Variants in SDK1 observed in about 807,000 individuals in gnomAD.
SDK1 encodes the protein protein sidekick-1.
Under a neutral mutation model 245.5 loss-of-function variants are expected in SDK1, and 157 were observed. That is an observed-to-expected ratio of 0.64 (90% confidence interval 0.56 to 0.73). The LOEUF is 0.73. Among genes scored for constraint, SDK1 ranks in the 30% least tolerant of loss-of-function variants. The probability of loss-of-function intolerance (pLI) is 0.00; values close to 1 mark genes in which losing one functional copy is unlikely to be tolerated. For missense variants in SDK1, 3,583 were observed against 3,002.3 expected (o/e 1.19, Z -4.52); for synonymous variants, 1,647 against 1,278.5 (o/e 1.29, Z -6.15).
Position 3,974,710 on chromosome 7 carries a change from T to C in SDK1, c.1994+165T>C, listed in dbSNP as rs1007415342. On this transcript the variant is annotated intron_variant, in intron 13 of 44. Transcript: ENST00000404826. The stretch of plus-strand genomic sequence containing the variant: ...TAACTACATATATGGACAAGGTTTT[T>C]TTGTGGTTTCTTTCAACTTCGGAAT... 1.3e-5 allele frequency: 8 copies of C among 597,104 alleles called. No homozygotes were observed. The East Asian group carries it at 2.3e-4, about 17-fold the overall frequency. The allele number at this position is 597,104 out of a possible 1,614,324, so 37.0% of individuals were successfully genotyped here.
chr7:3,870,339 A>G (rs1439474144), intron 5 of SDK1, among the ~76,000 whole-genome samples: 1 of 152,168 alleles, frequency 6.6e-6, no homozygotes, highest in Non-Finnish European at 1.5e-5. Flanking sequence ...AACTGACCTT[A>G]TGTGTCAATT....
chr7:3,887,926 A>G (rs1781375222), intron 5 of SDK1, among the ~76,000 whole-genome samples: 1 of 152,214 alleles, frequency 6.6e-6, no homozygotes, highest in Non-Finnish European at 1.5e-5. Context: ...ATTTTTATTC[A>G]AATGTGTTGT....
intron 1 of SDK1, among the ~76,000 whole-genome samples, chr7:3,394,149 TCTC>T (rs752879343): frequency 3.5e-4 from 53 of 152,246 alleles, no homozygotes; most frequent in Non-Finnish European, 6.2e-4. Context: ...GAGATATTGT[TCTC>T]CTCCTTTTCT....
chr7:4,145,676 G>A lies in SDK1; in HGVS notation c.4229-46G>A, dbSNP rs377297597. 111 of 1,538,028 alleles carry A rather than the reference G, an allele frequency of 7.2e-5. No homozygotes were observed. In the African/African-American group the frequency reaches 8.6e-4, roughly 12 times the overall value. On this transcript the variant is annotated intron_variant, in intron 28 of 44. Coordinates refer to ENST00000404826, the MANE Select transcript of SDK1 (RefSeq NM_152744.4). ...TGTGGGCACAGGGCTTCCCTGTGCC[G>A]TGGGTGACTGGCTCAGCAGCTGTCT...
At chr7:4,077,265 C>T in intron 21 of SDK1, 76 bp downstream of exon 21, 1 of 1,424,100 alleles carries the variant, frequency 7.0e-7, no homozygotes, top group Non-Finnish European at 9.6e-7. Context: ...TTGATTGGCA[C>T]TTTGGTGTGG....
chr7:3,895,048 C>T (rs1448214668), intron 5 of SDK1, among the ~76,000 whole-genome samples: 1 of 152,112 alleles, frequency 6.6e-6, no homozygotes. Context: ...ATTCATTCCT[C>T]TAAAAATATT....
At chr7:3,448,772 A>G (rs903839598) in intron 1 of SDK1, among the ~76,000 whole-genome samples, 2 of 152,182 alleles carry the variant, frequency 1.3e-5, no homozygotes, top group Admixed American at 6.5e-5. Flanking sequence ...TTAAATGGTT[A>G]CATTTTTCCC....
chr7:3,381,616 G>T (rs1781488854), intron 1 of SDK1, among the ~76,000 whole-genome samples: 1 of 152,164 alleles, frequency 6.6e-6, no homozygotes, highest in Non-Finnish European at 1.5e-5. Flanking sequence ...GGCCATTAAA[G>T]ACGTTTGAGA....
At chr7:4,120,928 T>TAA (rs546508577) in intron 25 of SDK1, among the ~76,000 whole-genome samples, 5,780 of 149,178 alleles carry the variant, frequency 0.039, 279 homozygotes, top group African/African-American at 0.11. Context: ...GAACACTCTT[T>TAA]TAAAAAAAAA....
At chr7:4,040,774 C>G (rs142782900) in intron 17 of SDK1, among the ~76,000 whole-genome samples, 2 of 152,164 alleles carry the variant, frequency 1.3e-5, no homozygotes. Context: ...GATGGGTTAT[C>G]TCCCCCGCTG....
chr7:3,569,255 A>G (rs376386743), intron 1 of SDK1, among the ~76,000 whole-genome samples: 4 of 152,230 alleles, frequency 2.6e-5, no homozygotes, highest in African/African-American at 7.2e-5. Flanking sequence ...AATTCAAACG[A>G]GAACCAGAAG....
At chr7:3,415,493 T>G (rs1583824171) in intron 1 of SDK1, among the ~76,000 whole-genome samples, 1 of 151,926 alleles carries the variant, frequency 6.6e-6, no homozygotes, top group African/African-American at 2.4e-5. Context: ...TAAAAAACAA[T>G]GATGAGTGAA....
intron 22 of SDK1, among the ~76,000 whole-genome samples, chr7:4,083,741 C>CTTTA (rs1220199225): frequency 0.1 from 58 of 564 alleles, 13 homozygotes; most frequent in African/African-American, 0.21. Context: ...TCCATCCCTC[C>CTTTA]CTTCCTTTAC....
intron 1 of SDK1, among the ~76,000 whole-genome samples, chr7:3,533,397 A>G (rs538467916): frequency 3.2e-4 from 48 of 152,342 alleles, no homozygotes; most frequent in Admixed American, 6.5e-4. Flanking sequence ...GAGGACTTCC[A>G]TTTGACTTCA....
chr7:4,099,041 G>A (rs1007801723), intron 22 of SDK1, among the ~76,000 whole-genome samples: 3 of 151,796 alleles, frequency 2.0e-5, no homozygotes, highest in African/African-American at 4.8e-5. Context: ...ATGGCCAGGG[G>A]AGTATGTGAA....
chr7:3,359,378 G>A (rs1780892059), intron 1 of SDK1, among the ~76,000 whole-genome samples: 2 of 152,194 alleles, frequency 1.3e-5, no homozygotes, highest in Admixed American at 6.5e-5. Context: ...CTAAGGTTAA[G>A]TTTTCGTTGT....
intron 1 of SDK1, among the ~76,000 whole-genome samples, chr7:3,309,343 G>A (rs1039616861): frequency 6.7e-6 from 1 of 150,040 alleles, no homozygotes; most frequent in African/African-American, 2.4e-5. Context: ...GTTCATATAG[G>A]ATATAATCTG....
chr7:4,017,507 C>A (rs1220953426), intron 17 of SDK1, among the ~76,000 whole-genome samples, 155 bp downstream of exon 17: 2 of 152,176 alleles, frequency 1.3e-5, no homozygotes, highest in Admixed American at 6.5e-5. Context: ...TGGGATCTCT[C>A]CAGCTATTCC....
intron 5 of SDK1, among the ~76,000 whole-genome samples, chr7:3,950,220 C>A (rs1252913050): frequency 6.6e-6 from 1 of 152,196 alleles, no homozygotes; most frequent in Non-Finnish European, 1.5e-5. Flanking sequence ...GTGCTTGGAC[C>A]CCATCTCATG....
Sources: gnomAD v4.1 joint callset for allele counts (sites outside exome capture counted in the v4.1 genomes callset) on GRCh38, gnomAD v4.1.1 for gene constraint, MANE v1.5 for transcripts, NCBI Gene and HGNC (gene_info 2026-07-23, HGNC 2026-07-21) for gene names.